CADM2: variants seen among roughly 807,000 people sequenced by gnomAD.
The protein encoded by CADM2 is immunoglobulin superfamily member 4D.
In CADM2, 12 loss-of-function variants were observed where a neutral mutation model predicts 49.8. The observed-to-expected ratio is 0.24, with a 90% CI of 0.15 to 0.39. The LOEUF (loss-of-function observed/expected upper bound fraction) is 0.39. Ranked by LOEUF, CADM2 falls within the 10% of genes least tolerant of loss-of-function variation. The pLI, the probability that CADM2 is intolerant of heterozygous loss-of-function variation, is 1.00. For missense variants in CADM2, 378 were observed against 492.3 expected (o/e 0.77, Z 2.20); for synonymous variants, 214 against 175.4 (o/e 1.22, Z -1.74).
chr3:86,001,711 A>G (rs1162135941), intron 8 of CADM2, among the ~76,000 whole-genome samples: 8 of 152,168 alleles, frequency 5.3e-5, no homozygotes, highest in Non-Finnish European at 1.0e-4. Flanking sequence ...AAAATTCTGC[A>G]GTAGGAAACT....
intron 1 of CADM2, among the ~76,000 whole-genome samples, chr3:85,156,190 T>G (rs1425121610): frequency 6.6e-6 from 1 of 151,070 alleles, no homozygotes; most frequent in Non-Finnish European, 1.5e-5. Flanking sequence ...CAGGAGCTGG[T>G]TTTTTGAAAG....
At chr3:85,544,111 A>AT (rs1157454839) in intron 1 of CADM2, among the ~76,000 whole-genome samples, 1 of 152,208 alleles carries the variant, frequency 6.6e-6, no homozygotes, top group African/African-American at 2.4e-5. Context: ...GAAAAAACTA[A>AT]TGTCAAGTAA....
In CADM2 at chr3:85,395,296, C is replaced by CAA. The variant is rs58315220; in HGVS notation, c.62-331207_62-331206dup. Among the ~76,000 whole-genome samples, 29 of 75,550 alleles carry CAA rather than the reference C, an allele frequency of 3.8e-4. 1 individual carries two copies. The highest frequency in any genetic ancestry group is 8.9e-3 in the Middle Eastern group (1 of 112). The allele number at this position is 75,550 out of a possible 152,430, so 49.6% of individuals were successfully genotyped here. A position where few individuals can be genotyped will look rare whatever the true frequency, so the allele number is the denominator to read the frequency against. On this transcript the variant is annotated intron_variant, in intron 1 of 9. Coordinates refer to ENST00000383699, the MANE Select transcript of CADM2 (RefSeq NM_001167675.2). ...CTGGGCAATAGAGAAAGACTCCATA[C>CAA]AAAAAAAAAAAAAAAAAAAAGGAAA... is the stretch of plus-strand genomic sequence containing the variant.
chr3:85,167,110 T>G (rs2040490608), intron 1 of CADM2, among the ~76,000 whole-genome samples: 1 of 152,104 alleles, frequency 6.6e-6, no homozygotes, highest in Non-Finnish European at 1.5e-5. Flanking sequence ...GAATTAACTT[T>G]CATTTCAGAT....
chr3:85,488,003 T>C (rs189553988), intron 1 of CADM2, among the ~76,000 whole-genome samples: 1 of 152,210 alleles, frequency 6.6e-6, no homozygotes, highest in East Asian at 1.9e-4. Context: ...TTTATTTTTG[T>C]ATTTAGAAAG....
intron 8 of CADM2, among the ~76,000 whole-genome samples, chr3:85,983,279 G>T (rs1031731965): frequency 6.6e-6 from 1 of 151,634 alleles, no homozygotes; most frequent in African/African-American, 2.4e-5. Flanking sequence ...CAACCACATG[G>T]AATAAAAACA....
At chr3:85,867,967 C>G (rs191299782) in intron 3 of CADM2, among the ~76,000 whole-genome samples, 10 of 152,122 alleles carry the variant, frequency 6.6e-5, no homozygotes, top group Non-Finnish European at 1.5e-4. Context: ...ACAAGTGAAT[C>G]AGCTCTACAG....
intron 1 of CADM2, among the ~76,000 whole-genome samples, chr3:85,370,496 T>C (rs2033150800): frequency 6.6e-6 from 1 of 152,060 alleles, no homozygotes; most frequent in Non-Finnish European, 1.5e-5. Flanking sequence ...CTGTCATACC[T>C]GTCATAAAGT....
chr3:85,900,460 T>C (rs1559730663), intron 5 of CADM2, among the ~76,000 whole-genome samples: 1 of 152,174 alleles, frequency 6.6e-6, no homozygotes, highest in African/African-American at 2.4e-5. Flanking sequence ...TTTAGTCTTG[T>C]TATGAATTCT....
intron 5 of CADM2, among the ~76,000 whole-genome samples, chr3:85,897,944 C>T (rs893334090): frequency 3.9e-5 from 6 of 152,080 alleles, no homozygotes; most frequent in Non-Finnish European, 7.4e-5. Flanking sequence ...TGCCATAGAT[C>T]TGTTATTTTT....
chr3:85,634,718 A>G (rs1313222262), intron 1 of CADM2, among the ~76,000 whole-genome samples: 1 of 152,118 alleles, frequency 6.6e-6, no homozygotes, highest in Non-Finnish European at 1.5e-5. Flanking sequence ...ATCAATGTGT[A>G]CTTGACTCTT....
intron 1 of CADM2, among the ~76,000 whole-genome samples, chr3:85,290,871 A>G (rs1490835093): frequency 5.3e-5 from 8 of 152,360 alleles, no homozygotes; most frequent in Admixed American, 5.2e-4. Context: ...AACTCTAAAA[A>G]GCAGAGCGCC....
intron 8 of CADM2, among the ~76,000 whole-genome samples, chr3:86,027,107 G>C (rs186822293): frequency 5.9e-5 from 9 of 152,016 alleles, no homozygotes; most frequent in South Asian, 2.1e-4. Context: ...CTAGTAACAG[G>C]GTTCATCATC....
At chr3:86,014,060 T>G in intron 8 of CADM2, 1 of 1,317,570 alleles carries the variant, frequency 7.6e-7, no homozygotes, top group Admixed American at 2.4e-5. Flanking sequence ...TTTCTGTTCT[T>G]TTTCACAACG....
intron 1 of CADM2, among the ~76,000 whole-genome samples, chr3:85,076,784 C>A (rs1229977551): frequency 6.6e-6 from 1 of 151,962 alleles, no homozygotes; most frequent in East Asian, 2.0e-4. Flanking sequence ...CCAGCCTGAC[C>A]AACATGGTTA....
At chr3:85,439,156 T>A (rs1010686865) in intron 1 of CADM2, among the ~76,000 whole-genome samples, 1 of 54,366 alleles carries the variant, frequency 1.8e-5, no homozygotes, top group South Asian at 6.5e-4. Flanking sequence ...TTATAATGAC[T>A]TTTTTTTTTT....
chr3:85,377,250 T>C (rs980039603), intron 1 of CADM2, among the ~76,000 whole-genome samples: 4 of 152,096 alleles, frequency 2.6e-5, no homozygotes, highest in Non-Finnish European at 4.4e-5. Context: ...AAAGTATGAT[T>C]AGTGAAGCTG....
At chr3:85,934,040 C>A (rs1035551543) in intron 6 of CADM2, among the ~76,000 whole-genome samples, 6 of 152,108 alleles carry the variant, frequency 3.9e-5, no homozygotes, top group Non-Finnish European at 5.9e-5. Context: ...CCCCAAGGCA[C>A]AGTCAAACTG....
chr3:85,316,853 A>G (rs1559775893), intron 1 of CADM2, among the ~76,000 whole-genome samples: 2 of 152,156 alleles, frequency 1.3e-5, no homozygotes, highest in Admixed American at 1.3e-4. Flanking sequence ...AAAAGAAAGT[A>G]AGAGAAACAC....
Sources: gnomAD v4.1 joint callset for allele counts (sites outside exome capture counted in the v4.1 genomes callset) on GRCh38, gnomAD v4.1.1 for gene constraint, MANE v1.5 for transcripts, NCBI Gene and HGNC (gene_info 2026-07-23, HGNC 2026-07-21) for gene names.